NUP155: variants seen among roughly 807,000 people sequenced by gnomAD.
The protein encoded by NUP155 is nuclear pore complex protein Nup155.
In NUP155, 71 loss-of-function variants were observed where a neutral mutation model predicts 180.4. The observed-to-expected ratio is 0.39, with a 90% CI of 0.33 to 0.48. The LOEUF (loss-of-function observed/expected upper bound fraction) is 0.48. Among genes scored for constraint, NUP155 ranks in the 20% least tolerant of loss-of-function variants. The probability of loss-of-function intolerance (pLI) is 0.91; values close to 1 mark genes in which losing one functional copy is unlikely to be tolerated. For synonymous variants in NUP155, 582 were observed against 559.5 expected (o/e 1.04, Z -0.57); for missense variants, 1,553 against 1,648.9 (o/e 0.94, Z 1.01).
At chr5:37,298,086 A>T (rs1409009610) in intron 32 of NUP155, among the ~76,000 whole-genome samples, 2 of 152,070 alleles carry the variant, frequency 1.3e-5, no homozygotes, top group Admixed American at 6.5e-5. Flanking sequence ...AAAAATACAG[A>T]AAATTAGCCA....
chr5:37,310,269 T>A (rs1395300831), intron 23 of NUP155, among the ~76,000 whole-genome samples: 1 of 152,106 alleles, frequency 6.6e-6, no homozygotes, highest in African/African-American at 2.4e-5. Context: ...GAAGCTGCTG[T>A]GAGCTATGAT....
rs1054916619 is a variant in NUP155 at position 37,325,783 on chromosome 5, A to C, written c.2091+118T>G. 1.2e-5 allele frequency: 8 copies of C among 679,572 alleles called. No individual in the cohort carries two copies. In the East Asian group the frequency reaches 1.9e-4, roughly 16 times the overall value. 42.1% of individuals were successfully genotyped at this position (679,572 alleles called of 1,614,324 possible). ...GACTCTGTCTCAAAAAAAAAAAAAA[A>C]AAAAAAAATAACCTTTGCCATCTTA... On this transcript the variant is annotated intron_variant, in intron 19 of 34. Transcript: ENST00000231498.
Position 37,371,094 on chromosome 5 carries a change from T to A in NUP155, c.-117A>T. On this transcript the variant is annotated 5_prime_UTR_variant, in exon 1 of 35. It adds an upstream start codon to the 5' untranslated region. Coordinates refer to ENST00000231498, the MANE Select transcript of NUP155 (RefSeq NM_153485.3). ...AGGGCGCGCGCGCCAAACGAGCGCC[T>A]TGGCGCCTCGACATGACGCACTTCC... The A allele has an allele frequency of 9.8e-7, 1 of 1,023,638 alleles. No individual in the cohort carries two copies. Among genetic ancestry groups the A allele is most frequent in the Non-Finnish European group, 1.5e-6 (1 of 682,696 alleles). 63.4% of individuals were successfully genotyped at this position (1,023,638 alleles called of 1,614,324 possible).
chr5:37,317,023 G>C (rs1265317191), intron 21 of NUP155, among the ~76,000 whole-genome samples: 1 of 150,114 alleles, frequency 6.7e-6, no homozygotes, highest in Non-Finnish European at 1.5e-5. Context: ...AAAAAAATTA[G>C]CCAGGTGTGG....
intron 3 of NUP155, among the ~76,000 whole-genome samples, chr5:37,358,819 C>A (rs1055082868): frequency 2.6e-5 from 4 of 152,152 alleles, no homozygotes; most frequent in Non-Finnish European, 5.9e-5. Flanking sequence ...GAGATTGAGG[C>A]CATCCTGGCC....
chr5:37,349,234 G>T lies in NUP155; in HGVS notation c.841C>A (p.Gln281Lys), dbSNP rs2111572014. Reference protein sequence around the residue: ...FTFSEDDPILQIAIDNSRNIL... With the variant: ...FTFSEDDPILKIAIDNSRNIL... Reference sequence around the variant, plus strand: ...TTTCTAGAATTATCAATTGCAATTTGAAGAATAGGATCTAAAAGTAAGACA... The same window carrying T: ...TTTCTAGAATTATCAATTGCAATTTTAAGAATAGGATCTAAAAGTAAGACA... Residue 281 changes from glutamine (Q) to lysine (K), a missense_variant, in exon 8 of 35, where the codon CAA (glutamine) becomes AAA (lysine). Gln to Lys is a moderately conservative substitution (Grantham distance 53). Transcript: ENST00000231498. 1.2e-6 allele frequency: 1 copy of T among 813,024 alleles called. No homozygotes were observed. Among genetic ancestry groups the T allele is most frequent in the Non-Finnish European group, 1.9e-6 (1 of 529,910 alleles). 50.4% of individuals were successfully genotyped at this position (813,024 alleles called of 1,614,324 possible).
chr5:37,318,167 T>C, intron 20 of NUP155, 82 bp from the exon 21 acceptor site: 5 of 893,562 alleles, frequency 5.6e-6, no homozygotes, highest in Non-Finnish European at 7.6e-6. Context: ...AAACATTTAA[T>C]ATGTTTACTT....
intron 4 of NUP155, among the ~76,000 whole-genome samples, chr5:37,355,636 T>C (rs1746776649): frequency 6.6e-6 from 1 of 151,830 alleles, no homozygotes; most frequent in East Asian, 1.9e-4. Context: ...TGGAGTGCAG[T>C]GGCGTGATCT....
chr5:37,368,168 C>G (rs1021903212), intron 1 of NUP155, among the ~76,000 whole-genome samples: 1 of 150,384 alleles, frequency 6.6e-6, no homozygotes, highest in African/African-American at 2.4e-5. Context: ...CTTCCAGGTC[C>G]CAAATTGCTA....
intron 25 of NUP155, among the ~76,000 whole-genome samples, chr5:37,305,730 G>T (rs1307682433): frequency 6.6e-6 from 1 of 151,880 alleles, no homozygotes; most frequent in Admixed American, 6.6e-5. Flanking sequence ...AAATTAACCA[G>T]GCGTGGCGGT....
chr5:37,322,678 G>A (rs1314471075), intron 20 of NUP155, among the ~76,000 whole-genome samples: 1 of 150,976 alleles, frequency 6.6e-6, no homozygotes, highest in African/African-American at 2.4e-5. Flanking sequence ...CTGCACTCCA[G>A]GCTGGGCGAC....
Position 37,309,260 on chromosome 5 carries a change from T to C in NUP155, c.2636A>G (p.Glu879Gly), listed in dbSNP as rs764265013. ...AACTTGTCGGGAACGCTGGAGAAGC[T>C]CATTTGCCTAGAAGAGGAGATAACA... ...TDDAICSKAN[E>G]LLQRSRQVQN... Residue 879 changes from glutamate (E) to glycine (G), a missense_variant, in exon 24 of 35, where the codon GAG becomes GGG. Glu to Gly is a moderately conservative substitution (Grantham distance 98, BLOSUM62 -2). Transcript: ENST00000231498. 6.2e-7 allele frequency: 1 copy of C among 1,605,394 alleles called. No homozygotes were observed. The highest frequency in any genetic ancestry group is 8.5e-7 in the Non-Finnish European group (1 of 1,175,850).
At position 37,360,317 on chromosome 5, in the gene NUP155, A is replaced by G. The variant is rs190139296; in HGVS notation, c.393-2166T>C. 4.9e-3 allele frequency among the ~76,000 whole-genome samples: 746 copies of G among 151,594 alleles called. 14 individuals carry two copies. Among genetic ancestry groups the G allele is most frequent in the Middle Eastern group, 6.8e-3 (2 of 294 alleles). On this transcript the variant is annotated intron_variant, in intron 3 of 34. Coordinates refer to ENST00000231498, the MANE Select transcript of NUP155 (RefSeq NM_153485.3). The stretch of plus-strand genomic sequence containing the variant: ...GCCAACATGGTGAAACCCCGTCTCT[A>G]CTAAAATACAAAAAAAAATTAGCTG...
intron 29 of NUP155, 37 bp downstream of exon 29, chr5:37,302,742 C>A: frequency 6.2e-7 from 1 of 1,609,898 alleles, no homozygotes; most frequent in Non-Finnish European, 8.5e-7. Context: ...GTGGCTAGTA[C>A]TCAATGTGGA....
intron 32 of NUP155, among the ~76,000 whole-genome samples, chr5:37,294,770 T>A (rs867801923): frequency 1.3e-5 from 2 of 152,076 alleles, no homozygotes; most frequent in East Asian, 1.9e-4. Flanking sequence ...AAGTTTTTTT[T>A]AAATAAAAGT....
chr5:37,363,546 G>A (rs1275682240), intron 3 of NUP155, among the ~76,000 whole-genome samples: 1 of 152,186 alleles, frequency 6.6e-6, no homozygotes, highest in Non-Finnish European at 1.5e-5. Context: ...AAGGAAAACA[G>A]AAGTCTTTAA....
intron 1 of NUP155, 88 bp downstream of exon 1, chr5:37,370,733 C>T: frequency 6.2e-7 from 1 of 1,612,434 alleles, no homozygotes; most frequent in Non-Finnish European, 8.5e-7. Context: ...AGCATATCCT[C>T]GCCGGGACCA....
intron 20 of NUP155, among the ~76,000 whole-genome samples, chr5:37,319,768 G>A (rs1422147805): frequency 2.0e-5 from 3 of 152,186 alleles, no homozygotes; most frequent in Admixed American, 2.0e-4. Context: ...CTACTCAGGA[G>A]GCTGAGGTGG....
chr5:37,316,528 A>C (rs1040493522), intron 21 of NUP155, among the ~76,000 whole-genome samples: 2 of 152,122 alleles, frequency 1.3e-5, no homozygotes, highest in African/African-American at 4.8e-5. Flanking sequence ...GCAATGGCAC[A>C]AATTCGGCTC....
Sources: allele counts gnomAD v4.1 joint callset (sites outside exome capture counted in the v4.1 genomes callset), GRCh38; gene constraint gnomAD v4.1.1; transcripts MANE v1.5; gene names NCBI Gene and HGNC (gene_info 2026-07-23, HGNC 2026-07-21).